Variants in DIP2C observed in about 807,000 individuals in gnomAD.
DIP2C encodes the protein disco-interacting protein 2 homolog C.
DIP2C carries 33 observed loss-of-function variants against 192.4 expected under a neutral mutation model. That is an observed-to-expected ratio of 0.17 (90% confidence interval 0.13 to 0.23). The LOEUF is 0.23. DIP2C is among the 10% of genes least tolerant of loss of function. DIP2C has a pLI of 1.00. For synonymous variants in DIP2C, 979 were observed against 864.1 expected, an observed-to-expected ratio of 1.13 and a Z score of -2.33; for missense variants, 1,537 against 2,110.1, an observed-to-expected ratio of 0.73 and a Z score of 5.32.
intron 1 of DIP2C, among the ~76,000 whole-genome samples, chr10:508,252 C>G (rs533799714): frequency 1.8e-4 from 28 of 152,290 alleles, no homozygotes; most frequent in African/African-American, 6.5e-4. Flanking sequence ...CAGGCTCCAT[C>G]TTTTCCCCAG....
intron 3 of DIP2C, among the ~76,000 whole-genome samples, chr10:445,392 CTG>C (rs991289333): frequency 6.6e-5 from 10 of 151,138 alleles, no homozygotes; most frequent in African/African-American, 2.4e-4. Context: ...CACTGGGCAT[CTG>C]TATATATTGG....
At position 384,260 on chromosome 10, in the gene DIP2C, C is replaced by A. The variant is rs561872241; in HGVS notation, c.1757-114G>T. 1.2e-5 allele frequency: 16 copies of A among 1,308,372 alleles called. No individual in the cohort carries two copies. The African/African-American group carries it at 2.2e-4, about 18-fold the overall frequency. 81.0% of individuals were successfully genotyped at this position (1,308,372 alleles called of 1,614,324 possible). ...GGGTGAAGAATCACTGGTCACCCAG[C>A]CCCCACAAACCTTTTTTTTTTTTTT... is the stretch of plus-strand genomic sequence containing the variant. On this transcript the variant is annotated intron_variant, in intron 15 of 36. Transcript: ENST00000280886.
At chr10:408,786 C>T (rs1263507106) in intron 9 of DIP2C, 140 bp downstream of exon 9, 7 of 692,706 alleles carry the variant, frequency 1.0e-5, no homozygotes, top group African/African-American at 1.8e-5. Flanking sequence ...GTGTAACTTA[C>T]CAGGTAGCAG....
At chr10:531,012 G>C (rs934734606) in intron 1 of DIP2C, among the ~76,000 whole-genome samples, 1 of 152,186 alleles carries the variant, frequency 6.6e-6, no homozygotes, top group Admixed American at 6.5e-5. Context: ...GAAGGGCGTC[G>C]TGAGCATCCT....
intron 3 of DIP2C, among the ~76,000 whole-genome samples, chr10:442,481 C>T (rs1967824172): frequency 6.6e-6 from 1 of 152,172 alleles, no homozygotes; most frequent in South Asian, 2.1e-4. Context: ...AGTGAGGTGA[C>T]ACAGTCCACT....
At chr10:300,100 G>A (rs1050230906) in intron 32 of DIP2C, among the ~76,000 whole-genome samples, 13 of 152,192 alleles carry the variant, frequency 8.5e-5, no homozygotes, top group African/African-American at 3.1e-4. Flanking sequence ...AAAACAGTAT[G>A]GCAGTTCCTC....
At position 383,269 on chromosome 10, in the gene DIP2C, CTG is replaced by C. The variant is rs557981321; in HGVS notation, c.1877-510_1877-509del. On this transcript the variant is annotated intron_variant, in intron 16 of 36. Coordinates refer to ENST00000280886, the MANE Select transcript of DIP2C (RefSeq NM_014974.3). Reference sequence around the variant, plus strand: ...ATTTATGAAATTCTATAAGTGAAGACTGTTTATAAAACCTGTTTATGAGTCTG... The same window carrying C: ...ATTTATGAAATTCTATAAGTGAAGACTTTATAAAACCTGTTTATGAGTCTG... Among the ~76,000 whole-genome samples, 313 of 152,346 alleles carry C rather than the reference CTG, an allele frequency of 2.1e-3. 1 individual carries two copies. The highest frequency in any genetic ancestry group is 0.014 in the Middle Eastern group (4 of 294).
chr10:589,996 G>C (rs116054632), intron 1 of DIP2C, among the ~76,000 whole-genome samples: 190 of 152,386 alleles, frequency 1.2e-3, no homozygotes, highest in African/African-American at 4.1e-3. Context: ...TTGACTAGAA[G>C]AGAAATACCT....
At chr10:365,053 G>T in intron 19 of DIP2C, 2 of 525,756 alleles carry the variant, frequency 3.8e-6, no homozygotes, top group South Asian at 1.4e-5. Flanking sequence ...AAGCAAATCA[G>T]ATCAGTTCAA....
chr10:305,369 G>T (rs963269245), intron 32 of DIP2C, among the ~76,000 whole-genome samples: 2 of 152,126 alleles, frequency 1.3e-5, no homozygotes, highest in African/African-American at 2.4e-5. Flanking sequence ...CGGGTGAAAG[G>T]CTCCTGTTAA....
chr10:514,006 G>A (rs1846193690), intron 1 of DIP2C, among the ~76,000 whole-genome samples: 1 of 152,192 alleles, frequency 6.6e-6, no homozygotes, highest in Non-Finnish European at 1.5e-5. Context: ...TCAGATGTAG[G>A]ATGCTCAGAA....
chr10:471,060 G>A (rs1970587804), intron 3 of DIP2C, among the ~76,000 whole-genome samples: 1 of 152,096 alleles, frequency 6.6e-6, no homozygotes, highest in Non-Finnish European at 1.5e-5. Flanking sequence ...GTAAGAGAAG[G>A]TCTCAATATG....
intron 1 of DIP2C, among the ~76,000 whole-genome samples, chr10:597,113 C>T (rs1318529666): frequency 6.6e-6 from 1 of 152,160 alleles, no homozygotes; most frequent in Non-Finnish European, 1.5e-5. Context: ...CTCCAGGGCT[C>T]GAGTAAAACA....
In DIP2C at chr10:384,536, C is replaced by A. The variant is rs377188720; in HGVS notation, c.1756+10G>T. 1.9e-6 allele frequency: 3 copies of A among 1,613,182 alleles called. No individual in the cohort carries two copies. The highest frequency in any genetic ancestry group is 2.5e-6 in the Non-Finnish European group (3 of 1,179,848). ...TACAGGTGTGAGCCACTGCGCCCGGCGAGACCCACCTTTGTACTGGCAGAC... is the reference window on the plus strand; with the variant it reads ...TACAGGTGTGAGCCACTGCGCCCGGAGAGACCCACCTTTGTACTGGCAGAC... On this transcript the variant is annotated intron_variant, in intron 15 of 36. Transcript: ENST00000280886.
chr10:438,300 T>G (rs1967434212), intron 4 of DIP2C, among the ~76,000 whole-genome samples: 3 of 152,220 alleles, frequency 2.0e-5, no homozygotes, highest in Admixed American at 6.5e-5. Flanking sequence ...ATCGTTTCTC[T>G]TATAAAAAGT....
At chr10:465,706 C>T (rs887677810) in intron 3 of DIP2C, among the ~76,000 whole-genome samples, 31 of 151,860 alleles carry the variant, frequency 2.0e-4, no homozygotes, top group Non-Finnish European at 4.0e-4. Context: ...GATACAAAAT[C>T]AATGTACAAA....
intron 1 of DIP2C, among the ~76,000 whole-genome samples, chr10:506,157 C>T (rs1465865186): frequency 6.6e-6 from 1 of 152,134 alleles, no homozygotes; most frequent in African/African-American, 2.4e-5. Context: ...TCGGAAGACA[C>T]ATTTAAATAA....
In DIP2C at chr10:329,514, G is replaced by A. The variant is rs1449841263; in HGVS notation, c.3672C>T (p.Tyr1224=). The change falls in exon 30 of 37, where the codon TAC becomes TAT. Residue 1224 remains tyrosine (Y), a synonymous_variant. Transcript: ENST00000280886. ...PALWLLAVSQ[Y]KVRDTFCSYS... is the part of the protein sequence containing the mutation. ...AGGAGCAAAACGTGTCTCGGACTTT[G>A]TACTGACTCACGGCAAGAAGCCACA... The A allele has an allele frequency of 6.2e-7, 1 of 1,614,200 alleles. No homozygotes were observed. The highest frequency in any genetic ancestry group is 8.5e-7 in the Non-Finnish European group (1 of 1,180,028).
At chr10:458,161 G>T (rs926441847) in intron 3 of DIP2C, among the ~76,000 whole-genome samples, 2 of 152,174 alleles carry the variant, frequency 1.3e-5, no homozygotes, top group African/African-American at 2.4e-5. Flanking sequence ...ACCTCCTCTG[G>T]GGACATCACA....
Sources: allele counts gnomAD v4.1 joint callset (sites outside exome capture counted in the v4.1 genomes callset), GRCh38; gene constraint gnomAD v4.1.1; transcripts MANE v1.5; gene names NCBI Gene and HGNC (gene_info 2026-07-23, HGNC 2026-07-21).